The following ALDOB variants were observed in gnomAD, a reference collection of about 807,000 sequenced individuals.
ALDOB encodes the protein aldolase, fructose-bisphosphate B, also known as fructose-bisphosphate aldolase B.
A neutral mutation model predicts 41.0 loss-of-function variants in ALDOB; 39 were observed. The observed-to-expected ratio is 0.95, with a 90% CI of 0.74 to 1.24. The LOEUF (loss-of-function observed/expected upper bound fraction) is 1.24. Ranked by LOEUF, ALDOB falls within the 50% of genes most tolerant of loss-of-function variation. ALDOB has a pLI of 0.00. For synonymous variants in ALDOB, 175 were observed against 168.8 expected (o/e 1.04, Z -0.28); for missense variants, 530 against 457.3 (o/e 1.16, Z -1.45).
At chr9:101,430,224 G>A (rs1831197693) in intron 2 of ALDOB, among the ~76,000 whole-genome samples, 1 of 152,114 alleles carries the variant, frequency 6.6e-6, no homozygotes, top group African/African-American at 2.4e-5. Context: ...GATATGGAAG[G>A]CCCTCAGGCC....
chr9:101,424,539 C>T (rs1831095119), intron 8 of ALDOB, among the ~76,000 whole-genome samples: 1 of 152,182 alleles, frequency 6.6e-6, no homozygotes, highest in Non-Finnish European at 1.5e-5. Context: ...TTCTCTTCTT[C>T]ATCTTCCCAA....
rs1247846713 is a variant in ALDOB, at chr9:101,429,617, G to T, written c.324+138C>A. On this transcript the variant is annotated intron_variant, in intron 3 of 8. Coordinates refer to ENST00000647789, the MANE Select transcript of ALDOB (RefSeq NM_000035.4). ...ACTCTAGAAGAGGATCTTGTTCTCTGTGGGAAGATGACGATGGAAAAGGGT... is the reference window on the plus strand; with the variant it reads ...ACTCTAGAAGAGGATCTTGTTCTCTTTGGGAAGATGACGATGGAAAAGGGT... The T allele has an allele frequency of 4.6e-6, 4 of 875,522 alleles. No homozygotes were observed. The African/African-American group carries it at 4.9e-5, about 11-fold the overall frequency. 54.2% of individuals were successfully genotyped at this position (875,522 alleles called of 1,614,324 possible). A position where few individuals can be genotyped will look rare whatever the true frequency, so the allele number is the denominator to read the frequency against.
At chr9:101,428,205 G>A (rs959194218) in intron 4 of ALDOB, among the ~76,000 whole-genome samples, 2 of 152,168 alleles carry the variant, frequency 1.3e-5, no homozygotes, top group Non-Finnish European at 2.9e-5. Context: ...ACTGTGGTAA[G>A]CACCTTATGT....
At chr9:101,425,926 G>A (rs182468546) in intron 6 of ALDOB, among the ~76,000 whole-genome samples, 1 of 152,068 alleles carries the variant, frequency 6.6e-6, no homozygotes, top group Admixed American at 6.5e-5. Flanking sequence ...TTACTCCCTT[G>A]GTCAATGTCA....
intron 1 of ALDOB, among the ~76,000 whole-genome samples, chr9:101,432,326 G>A (rs1831231169): frequency 6.6e-6 from 1 of 152,078 alleles, no homozygotes; most frequent in Non-Finnish European, 1.5e-5. Flanking sequence ...ACCTTCTAAG[G>A]CCCATTATGT....
chr9:101,425,401 C>T, intron 7 of ALDOB, 52 bp downstream of exon 7: 1 of 1,599,500 alleles, frequency 6.3e-7, no homozygotes, highest in Non-Finnish European at 8.6e-7. Flanking sequence ...GCTTGTGGCT[C>T]TCCAAAGAAT....
intron 8 of ALDOB, among the ~76,000 whole-genome samples, chr9:101,424,258 A>G (rs908958454): frequency 7.2e-5 from 11 of 152,122 alleles, no homozygotes; most frequent in African/African-American, 2.7e-4. Context: ...TCTTTACTAA[A>G]ATATACAGAA....
chr9:101,425,114 A>G (rs546415223), intron 7 of ALDOB, 72 bp from the exon 8 acceptor site: 1 of 1,531,814 alleles, frequency 6.5e-7, no homozygotes, highest in Admixed American at 1.7e-5. Context: ...CAAGCAATGA[A>G]CCTACCAGAA....
In ALDOB at chr9:101,425,028, AC is replaced by A. The variant is rs1564077303; in HGVS notation, c.813del (p.Leu271PhefsTer5). 1 of 1,614,230 alleles carries A rather than the reference AC, an allele frequency of 6.2e-7. No homozygotes were observed. The highest frequency in any genetic ancestry group is 1.3e-5 in the African/African-American group (1 of 75,068). Reference sequence around the variant, plus strand: ...GCATCCTCTTCACTCATGCCACCAGACAAAAAGCAGATGCCTGGTAGGAGAG... The same window carrying A: ...GCATCCTCTTCACTCATGCCACCAGAAAAAAGCAGATGCCTGGTAGGAGAG... ...VPAAVPGICF[L>X]SGGMSEEDAT... On this transcript the variant is annotated frameshift_variant, in exon 8 of 9. Transcript: ENST00000647789. LOFTEE classifies it high-confidence loss of function.
At chr9:101,429,154 T>TC (rs1831176552) in intron 3 of ALDOB, among the ~76,000 whole-genome samples, 1 of 151,442 alleles carries the variant, frequency 6.6e-6, no homozygotes, top group Non-Finnish European at 1.5e-5. Flanking sequence ...TTTTTTTTTT[T>TC]AGACAGGATC....
At chr9:101,435,017 C>T (rs577675082) in intron 1 of ALDOB, among the ~76,000 whole-genome samples, 2 of 152,322 alleles carry the variant, frequency 1.3e-5, no homozygotes, top group South Asian at 2.1e-4. Flanking sequence ...TATCAAAATA[C>T]ACAACCTTTT....
chr9:101,429,912 CG>C lies in ALDOB; in HGVS notation c.166del (p.Arg56AlafsTer22). ...GAAGAGGATTTCTCGGAACTGCCGG[CG>C]GTTCTCTTCAGTGTTTTCCACCTTG... ...RIKVENTEENRRQFREILFSV... is the reference protein window; with the variant it reads ...RIKVENTEENXRQFREILFSV... On this transcript the variant is annotated frameshift_variant, in exon 3 of 9. Coordinates refer to ENST00000647789, the MANE Select transcript of ALDOB (RefSeq NM_000035.4). LOFTEE classifies it high-confidence loss of function. The C allele has an allele frequency of 6.2e-7, 1 of 1,614,066 alleles. No individual in the cohort carries two copies. The highest frequency in any genetic ancestry group is 8.5e-7 in the Non-Finnish European group (1 of 1,180,016).
chr9:101,433,927 C>A (rs1329173867), intron 1 of ALDOB, among the ~76,000 whole-genome samples: 1 of 146,516 alleles, frequency 6.8e-6, no homozygotes, highest in Admixed American at 6.9e-5. Flanking sequence ...TGCCACCATG[C>A]CCAGCTATTT....
At position 101,430,031 on chromosome 9, in the gene ALDOB, C is replaced by T. The variant is rs1831195113; in HGVS notation, c.113-65G>A. 6 of 1,384,018 alleles carry T rather than the reference C, an allele frequency of 4.3e-6. No homozygotes were observed. The South Asian group carries it at 5.8e-5, about 13-fold the overall frequency. The allele number at this position is 1,384,018 out of a possible 1,614,324, so 85.7% of individuals were successfully genotyped here. A position where few individuals can be genotyped will look rare whatever the true frequency, so the allele number is the denominator to read the frequency against. On this transcript the variant is annotated intron_variant, in intron 2 of 8. Transcript: ENST00000647789. Reference sequence around the variant, plus strand: ...AGGGCTTTCCTGTCACCCTTCTCCACATCATCTCAGAGACCCTCACCACAG... The same window carrying T: ...AGGGCTTTCCTGTCACCCTTCTCCATATCATCTCAGAGACCCTCACCACAG...
At chr9:101,432,337 C>T (rs1267992539) in intron 1 of ALDOB, among the ~76,000 whole-genome samples, 1 of 152,130 alleles carries the variant, frequency 6.6e-6, no homozygotes, top group Middle Eastern at 3.2e-3. Flanking sequence ...CCCATTATGT[C>T]CCAGCCACCA....
chr9:101,421,283 G>T lies in ALDOB; in HGVS notation c.*526C>A, dbSNP rs897330283. ...CTAGCAAGAGTTGAAGACCTTTACT[G>T]TTGAAACCCAGTCATGTCTAGTAGA... On this transcript the variant is annotated 3_prime_UTR_variant, in exon 9 of 9. Transcript: ENST00000647789. 2 of 181,562 alleles carry T rather than the reference G, an allele frequency of 1.1e-5. No individual in the cohort carries two copies. Among genetic ancestry groups the T allele is most frequent in the Admixed American group, 1.1e-4 (2 of 18,550 alleles). The allele number at this position is 181,562 out of a possible 1,614,324, so 11.2% of individuals were successfully genotyped here.
Position 101,425,016 on chromosome 9 carries a change from T to C in ALDOB, c.826A>G (p.Ser276Gly). ...PGICFLSGGMSEEDATLNLNA... is the reference protein window; with the variant it reads ...PGICFLSGGMGEEDATLNLNA... ...AGGTTGAGAGTGGCATCCTCTTCAC[T>C]CATGCCACCAGACAAAAAGCAGATG... The change falls in exon 8 of 9, where the codon AGT becomes GGT. Residue 276 changes from serine to glycine, a missense_variant. Coordinates refer to ENST00000647789, the MANE Select transcript of ALDOB (RefSeq NM_000035.4). The C allele has an allele frequency of 6.2e-7, 1 of 1,614,176 alleles. No individual in the cohort carries two copies.
rs1457882104 is a variant in ALDOB, at chr9:101,421,911, G to T, written c.1000-7C>A. ...TGGCCGCCTGGCAGTTAGCCTAGAA[G>T]ACAAATATGAGAGAGGAGACTGGTT... On this transcript the variant is annotated splice_polypyrimidine_tract_variant and splice_region_variant and intron_variant, in intron 8 of 8. Transcript: ENST00000647789. The T allele has an allele frequency of 6.2e-7, 1 of 1,612,320 alleles. No individual in the cohort carries two copies. Among genetic ancestry groups the T allele is most frequent in the East Asian group, 2.2e-5 (1 of 44,888 alleles).
intron 8 of ALDOB, among the ~76,000 whole-genome samples, chr9:101,423,866 C>T (rs1831085336): frequency 6.6e-6 from 1 of 152,178 alleles, no homozygotes; most frequent in Non-Finnish European, 1.5e-5. Flanking sequence ...CTCATTTGTT[C>T]ACCCCAGTTC....
Sources: gnomAD v4.1 joint callset for allele counts (sites outside exome capture counted in the v4.1 genomes callset) on GRCh38, gnomAD v4.1.1 for gene constraint, MANE v1.5 for transcripts, NCBI Gene and HGNC (gene_info 2026-07-23, HGNC 2026-07-21) for gene names.